Variants in ADAMTS6 observed in about 807,000 individuals in gnomAD.
The protein encoded by ADAMTS6 is ADAM metallopeptidase with thrombospondin type 1 motif 6, also known as A disintegrin and metalloproteinase with thrombospondin motifs 6.
Under a neutral mutation model 144.3 loss-of-function variants are expected in ADAMTS6, and 23 were observed. The observed-to-expected ratio is 0.16, with a 90% CI of 0.11 to 0.23. ADAMTS6 has a LOEUF of 0.23. ADAMTS6 is among the 10% of genes least tolerant of loss of function. ADAMTS6 has a pLI of 1.00. For synonymous variants in ADAMTS6, 444 were observed against 457.5 expected (o/e 0.97, Z 0.38); for missense variants, 999 against 1,379.6 (o/e 0.72, Z 4.37).
At chr5:65,310,566 T>C (rs1744396792) in intron 9 of ADAMTS6, among the ~76,000 whole-genome samples, 1 of 152,138 alleles carries the variant, frequency 6.6e-6, no homozygotes, top group African/African-American at 2.4e-5. Context: ...ATGGTATAAA[T>C]TGTTATTTTA....
At chr5:65,438,774 A>G (rs1381733275) in intron 7 of ADAMTS6, among the ~76,000 whole-genome samples, 1 of 152,116 alleles carries the variant, frequency 6.6e-6, no homozygotes, top group Non-Finnish European at 1.5e-5. Flanking sequence ...CATTTAATAC[A>G]TTTTTTATTC....
At chr5:65,346,331 A>G (rs1447401680) in intron 7 of ADAMTS6, among the ~76,000 whole-genome samples, 1 of 151,906 alleles carries the variant, frequency 6.6e-6, no homozygotes, top group East Asian at 1.9e-4. Flanking sequence ...TTCAACATAG[A>G]TATCAATATG....
At chr5:65,280,202 C>A (rs1043343407) in intron 11 of ADAMTS6, among the ~76,000 whole-genome samples, 8 of 152,154 alleles carry the variant, frequency 5.3e-5, no homozygotes, top group African/African-American at 1.9e-4. Context: ...ATCAGCTGAT[C>A]CTTTGCAGCC....
At chr5:65,158,230 A>T (rs1417040436) in intron 24 of ADAMTS6, among the ~76,000 whole-genome samples, 1 of 152,228 alleles carries the variant, frequency 6.6e-6, no homozygotes. Flanking sequence ...TTAATACATC[A>T]GGTTCCACAT....
chr5:65,275,353 G>GAGAAAGGAAAGAA (rs1762390303), intron 11 of ADAMTS6, among the ~76,000 whole-genome samples: 12 of 87,188 alleles, frequency 1.4e-4, no homozygotes, highest in African/African-American at 5.0e-4. Flanking sequence ...AAAGAAAGAA[G>GAGAAAGGAAAGAA]AGAAAGAAAG....
intron 9 of ADAMTS6, among the ~76,000 whole-genome samples, chr5:65,323,301 G>A (rs1349738036): frequency 2.5e-5 from 3 of 122,396 alleles, no homozygotes; most frequent in African/African-American, 3.3e-5. Context: ...AGTGTGTGAT[G>A]TTCCCCTTCC....
At chr5:65,194,184 G>A (rs1755188497) in intron 21 of ADAMTS6, among the ~76,000 whole-genome samples, 1 of 152,100 alleles carries the variant, frequency 6.6e-6, no homozygotes, top group Non-Finnish European at 1.5e-5. Flanking sequence ...AATCTCAGAT[G>A]GTCCCTGATG....
chr5:65,164,172 G>A (rs146007363), intron 24 of ADAMTS6, among the ~76,000 whole-genome samples: 17,996 of 151,676 alleles, frequency 0.12, 1,505 homozygotes, highest in African/African-American at 0.23. Flanking sequence ...CAGTGGGTGC[G>A]CGCACCGTGC....
At chr5:65,368,104 T>C (rs1424370517) in intron 7 of ADAMTS6, among the ~76,000 whole-genome samples, 1 of 152,188 alleles carries the variant, frequency 6.6e-6, no homozygotes, top group Non-Finnish European at 1.5e-5. Context: ...AAGATAAGAC[T>C]AAAGGTTACT....
At chr5:65,151,980 G>T in intron 24 of ADAMTS6, 35 bp from the exon 25 acceptor site, 2 of 1,568,078 alleles carry the variant, frequency 1.3e-6, no homozygotes, top group Non-Finnish European at 1.8e-6. Flanking sequence ...AAAACAATTA[G>T]AGGCACATAA....
intron 7 of ADAMTS6, among the ~76,000 whole-genome samples, chr5:65,435,041 C>A (rs1265768233): frequency 6.6e-6 from 1 of 152,034 alleles, no homozygotes; most frequent in Non-Finnish European, 1.5e-5. Context: ...ACTAAATAGA[C>A]CTATGTCCAT....
Position 65,212,415 on chromosome 5 carries a change from TTC to T in ADAMTS6, c.2575+2377_2575+2378del, listed in dbSNP as rs1232563178. On this transcript the variant is annotated intron_variant, in intron 20 of 24. Transcript: ENST00000381055. The stretch of plus-strand genomic sequence containing the variant: ...AGAAAGCTCTCCCTTCCAGAGGCTT[TTC>T]TCTCTCTTTTTTTTTTTTTTTTTTT... Among the ~76,000 whole-genome samples the T allele has an allele frequency of 2.5e-4, 35 of 142,194 alleles. 1 individual carries two copies. Among genetic ancestry groups the T allele is most frequent in the African/African-American group, 4.7e-4 (18 of 38,616 alleles). The allele number at this position is 142,194 out of a possible 152,430, so 93.3% of individuals were successfully genotyped here.
At chr5:65,279,260 G>A (rs1035353021) in intron 11 of ADAMTS6, among the ~76,000 whole-genome samples, 1 of 151,418 alleles carries the variant, frequency 6.6e-6, no homozygotes. Context: ...AGTCTTTCTT[G>A]TTGCTTCCAA....
intron 24 of ADAMTS6, among the ~76,000 whole-genome samples, chr5:65,166,950 C>T (rs914468208): frequency 1.4e-5 from 2 of 145,014 alleles, no homozygotes; most frequent in Non-Finnish European, 3.0e-5. Flanking sequence ...AAAATTGACA[C>T]CCTAACATCA....
At chr5:65,191,504 A>G (rs1755015152) in intron 21 of ADAMTS6, among the ~76,000 whole-genome samples, 1 of 152,124 alleles carries the variant, frequency 6.6e-6, no homozygotes, top group East Asian at 1.9e-4. Context: ...TCCCAGAGTC[A>G]AGGGTCTAAT....
chr5:65,381,659 T>G (rs1237157289), intron 7 of ADAMTS6, among the ~76,000 whole-genome samples: 1 of 151,382 alleles, frequency 6.6e-6, no homozygotes, highest in Non-Finnish European at 1.5e-5. Context: ...GTGCGGGGAT[T>G]ACAAGTGTGA....
chr5:65,259,130 G>A (rs1490403682), intron 14 of ADAMTS6, among the ~76,000 whole-genome samples: 1 of 152,060 alleles, frequency 6.6e-6, no homozygotes, highest in Non-Finnish European at 1.5e-5. Flanking sequence ...GCCGAGGCGG[G>A]TGGATCACCT....
chr5:65,282,350 G>C (rs1347120196), intron 11 of ADAMTS6, among the ~76,000 whole-genome samples: 1 of 152,142 alleles, frequency 6.6e-6, no homozygotes, highest in Non-Finnish European at 1.5e-5. Context: ...AGAAGAGAAT[G>C]TCTGGGTTAG....
intron 14 of ADAMTS6, among the ~76,000 whole-genome samples, chr5:65,249,519 C>A (rs1288517867): frequency 6.6e-6 from 1 of 152,154 alleles, no homozygotes; most frequent in African/African-American, 2.4e-5. Flanking sequence ...CTCTTCCAAG[C>A]ATCGTTTCCT....
Sources: gnomAD v4.1 joint callset for allele counts (sites outside exome capture counted in the v4.1 genomes callset) on GRCh38, gnomAD v4.1.1 for gene constraint, MANE v1.5 for transcripts, NCBI Gene and HGNC (gene_info 2026-07-23, HGNC 2026-07-21) for gene names.